The following TTLL10 variants were observed in gnomAD, a reference collection of about 807,000 sequenced individuals.
TTLL10 encodes tubulin tyrosine ligase like 10.
Under a neutral mutation model 69.0 loss-of-function variants are expected in TTLL10, and 61 were observed. The observed-to-expected ratio is 0.88, with a 90% CI of 0.72 to 1.09. TTLL10 has a LOEUF of 1.09. Ranked by LOEUF, TTLL10 falls within the 50% of genes least tolerant of loss-of-function variation. The pLI, the probability that TTLL10 is intolerant of heterozygous loss-of-function variation, is 0.00. For missense variants in TTLL10, 962 were observed against 945.9 expected, an observed-to-expected ratio of 1.02 and a Z score of -0.22; for synonymous variants, 408 against 393.3, an observed-to-expected ratio of 1.04 and a Z score of -0.44.
At chr1:1,179,818 C>A (rs1646988401) in intron 5 of TTLL10, 81 bp downstream of exon 5, 7 of 1,474,972 alleles carry the variant, frequency 4.7e-6, no homozygotes, top group African/African-American at 1.4e-5. Flanking sequence ...GGCAGGAAGC[C>A]TGGCCCTGGA....
intron 3 of TTLL10, 90 bp from the exon 4 acceptor site, chr1:1,179,099 G>A (rs1219448458): frequency 5.8e-6 from 5 of 862,800 alleles, no homozygotes; most frequent in Non-Finnish European, 8.8e-6. Context: ...CCTGGGCAGG[G>A]TGGGCCTGAC....
At position 1,181,341 on chromosome 1, in the gene TTLL10, T is replaced by C. The variant is rs1370055502; in HGVS notation, c.756-400T>C. On this transcript the variant is annotated intron_variant, in intron 8 of 15. Coordinates refer to ENST00000379289, the MANE Select transcript of TTLL10 (RefSeq NM_001130045.2). This position sits in a 1 kb window ranked among gnomAD's most constrained non-coding sequence, Gnocchi z 4.6. ...CCTGTGGGTGCCCTGAGTGAGGCCGTCCATCGCTCACCCAAGTCTGGGCCA... is the reference window on the plus strand; with the variant it reads ...CCTGTGGGTGCCCTGAGTGAGGCCGCCCATCGCTCACCCAAGTCTGGGCCA... Among the ~76,000 whole-genome samples the C allele has an allele frequency of 6.6e-6, 1 of 151,634 alleles. No individual in the cohort carries two copies. The highest frequency in any genetic ancestry group is 1.5e-5 in the Non-Finnish European group (1 of 67,914).
At chr1:1,174,554 C>G (rs911487248) in intron 3 of TTLL10, 65 bp downstream of exon 3, 4 of 152,238 alleles carry the variant, frequency 2.6e-5, no homozygotes, top group African/African-American at 7.2e-5. Flanking sequence ...GCCTTTACAC[C>G]GTGTCCCCAC....
rs1278192208 is a variant in TTLL10 at position 1,197,544 on chromosome 1, G to A, written c.1719G>A (p.Arg573=). The A allele has an allele frequency of 2.6e-6, 4 of 1,525,212 alleles. No individual in the cohort carries two copies. Among genetic ancestry groups the A allele is most frequent in the Middle Eastern group, 1.7e-4 (1 of 5,772 alleles). 94.5% of individuals were successfully genotyped at this position (1,525,212 alleles called of 1,614,324 possible). A position where few individuals can be genotyped will look rare whatever the true frequency, so the allele number is the denominator to read the frequency against. The part of the protein sequence containing the change: ...VLLHNGEADP[R]PHLGGSCSLR... The stretch of plus-strand genomic sequence containing the variant: ...TGCACAACGGTGAGGCCGACCCGCG[G>A]CCGCACCTGGGGGGCTCGTGCAGCC... Residue 573 remains arginine, a synonymous_variant, in exon 16 of 16, where the codon CGG becomes CGA. Transcript: ENST00000379289.
Position 1,185,405 on chromosome 1 carries a change from C to G in TTLL10, c.1401+296C>G. 4.7e-6 allele frequency: 6 copies of G among 1,268,818 alleles called. No individual in the cohort carries two copies. The highest frequency in any genetic ancestry group is 6.0e-6 in the Non-Finnish European group (6 of 1,005,282). The allele number at this position is 1,268,818 out of a possible 1,614,324, so 78.6% of individuals were successfully genotyped here. ...GACAGCTCGGCTTCAGTGACAGCCACCATGTGAAGAGTCTTTGTTCCTTTC... is the reference window on the plus strand; with the variant it reads ...GACAGCTCGGCTTCAGTGACAGCCAGCATGTGAAGAGTCTTTGTTCCTTTC... On this transcript the variant is annotated intron_variant, in intron 13 of 15. Transcript: ENST00000379289. The surrounding 1 kb of genome is among the most constrained non-coding windows in gnomAD (Gnocchi z 6.1).
At position 1,191,037 on chromosome 1, in the gene TTLL10, C is replaced by A. The variant is rs112756425; in HGVS notation, c.1402-5563C>A. ...AGAGATGGGGGTTTCACCATGTTGG[C>A]CAGGCTGGTCTTGAACTCCTGACCT... is the stretch of plus-strand genomic sequence containing the variant. On this transcript the variant is annotated intron_variant, in intron 13 of 15. Transcript: ENST00000379289. Among the ~76,000 whole-genome samples the A allele has an allele frequency of 6.5e-3, 984 of 152,260 alleles. 13 individuals are homozygous for A. The highest frequency in any genetic ancestry group is 0.02 in the African/African-American group (837 of 41,524).
chr1:1,184,093 TG>T lies in TTLL10; in HGVS notation c.1260+3del, dbSNP rs774527776. 2.5e-6 allele frequency: 4 copies of T among 1,614,090 alleles called. No individual in the cohort carries two copies. In the South Asian group the frequency reaches 4.4e-5, roughly 18 times the overall value. On this transcript the variant is annotated splice_donor_region_variant and intron_variant, in intron 12 of 15. Coordinates refer to ENST00000379289, the MANE Select transcript of TTLL10 (RefSeq NM_001130045.2). ...CTCGGCGGCCACTTGACCAACCAGG[TG>T]AGTCTGCCATGGGTGAGGGCCCTCC...
At chr1:1,176,409 G>C (rs1184581579) in intron 3 of TTLL10, 5 of 454,956 alleles carry the variant, frequency 1.1e-5, no homozygotes, top group Admixed American at 9.4e-5. Flanking sequence ...GGGGCACACA[G>C]TCATCAGGTC....
intron 3 of TTLL10, among the ~76,000 whole-genome samples, chr1:1,178,631 G>A (rs138786831): frequency 1.7e-3 from 256 of 152,184 alleles, no homozygotes; most frequent in African/African-American, 5.8e-3. Flanking sequence ...GACAGAGGTA[G>A]AAAGATCTGT....
In TTLL10 at chr1:1,185,830, G is replaced by A. The variant is rs559617684; in HGVS notation, c.1401+721G>A. ...ATCTCCCAAACTCTCTCTTAATTGC[G>A]ATAATTCACAGAACATAAAATTCAC... On this transcript the variant is annotated intron_variant, in intron 13 of 15. Transcript: ENST00000379289. The surrounding 1 kb of genome is among the most constrained non-coding windows in gnomAD (Gnocchi z 6.1). 89 of 985,332 alleles carry A rather than the reference G, an allele frequency of 9.0e-5. No individual in the cohort carries two copies. The East Asian group carries it at 1.0e-3, about 11-fold the overall frequency. The allele number at this position is 985,332 out of a possible 1,614,324, so 61.0% of individuals were successfully genotyped here.
At position 1,174,453 on chromosome 1, in the gene TTLL10, G is replaced by A. The variant is rs139698343; in HGVS notation, c.-64G>A. 55 of 152,558 alleles carry A rather than the reference G, an allele frequency of 3.6e-4. No individual in the cohort carries two copies. Among genetic ancestry groups the A allele is most frequent in the African/African-American group, 1.2e-3 (49 of 41,586 alleles). The allele number at this position is 152,558 out of a possible 1,614,324, so 9.5% of individuals were successfully genotyped here. On this transcript the variant is annotated 5_prime_UTR_variant, in exon 3 of 16. Transcript: ENST00000379289. ...AAAAGTCTCTTCTGTTCATCCTACC[G>A]GGGTGCCGTCTCCTGCCGGTCTTTT...
intron 13 of TTLL10, among the ~76,000 whole-genome samples, chr1:1,190,111 CAA>C (rs941009566): frequency 3.4e-4 from 25 of 74,188 alleles, no homozygotes; most frequent in Non-Finnish European, 2.8e-4. Context: ...GACCCCGTCT[CAA>C]AAAAAAAAAA....
chr1:1,196,458 C>T, intron 13 of TTLL10, 142 bp from the exon 14 acceptor site: 1 of 649,230 alleles, frequency 1.5e-6, no homozygotes. Flanking sequence ...AGGCTGAGTG[C>T]ACGAACGTGT....
intron 10 of TTLL10, 46 bp downstream of exon 10, chr1:1,182,492 G>A: frequency 1.9e-6 from 3 of 1,596,042 alleles, no homozygotes; most frequent in Non-Finnish European, 2.6e-6. Flanking sequence ...GGGGAGACAG[G>A]GTGAGGGCTG....
chr1:1,185,389 G>T lies in TTLL10; in HGVS notation c.1401+280G>T. 1 of 1,288,302 alleles carries T rather than the reference G, an allele frequency of 7.8e-7. No individual in the cohort carries two copies. The highest frequency in any genetic ancestry group is 9.8e-7 in the Non-Finnish European group (1 of 1,018,136). 79.8% of individuals were successfully genotyped at this position (1,288,302 alleles called of 1,614,324 possible). ...CGCCGTAGGGTCAGGGGACAGCTCG[G>T]CTTCAGTGACAGCCACCATGTGAAG... On this transcript the variant is annotated intron_variant, in intron 13 of 15. Coordinates refer to ENST00000379289, the MANE Select transcript of TTLL10 (RefSeq NM_001130045.2). The surrounding 1 kb of genome is among the most constrained non-coding windows in gnomAD (Gnocchi z 6.1).
chr1:1,190,785 T>C (rs1647714944), intron 13 of TTLL10, among the ~76,000 whole-genome samples: 1 of 152,176 alleles, frequency 6.6e-6, no homozygotes, highest in Admixed American at 6.6e-5. Flanking sequence ...AGATTTTGCG[T>C]GTTGTCTTCA....
At chr1:1,175,270 C>G (rs1039442209) in intron 3 of TTLL10, 2 of 218,220 alleles carry the variant, frequency 9.2e-6, no homozygotes, top group African/African-American at 2.3e-5. Flanking sequence ...GCTGCCTCTT[C>G]CAGCTGCTGC....
At chr1:1,177,042 GTC>G (rs1646890770) in intron 3 of TTLL10, among the ~76,000 whole-genome samples, 2 of 151,660 alleles carry the variant, frequency 1.3e-5, no homozygotes, top group Admixed American at 1.3e-4. Context: ...GTGTGTCAGC[GTC>G]TGTGTGTGTG....
Position 1,197,875 on chromosome 1 carries a change from C to T in TTLL10, c.*28C>T, listed in dbSNP as rs1207527929. 11 of 1,397,432 alleles carry T rather than the reference C, an allele frequency of 7.9e-6. No homozygotes were observed. The highest frequency in any genetic ancestry group is 4.6e-5 in the African/African-American group (3 of 65,358). 86.6% of individuals were successfully genotyped at this position (1,397,432 alleles called of 1,614,324 possible). A position where few individuals can be genotyped will look rare whatever the true frequency, so the allele number is the denominator to read the frequency against. ...GCAGCCACCCGCGCCCAGCGCCCCG[C>T]GCCCCGCGCCCCAGCCGTGCTGCCT... On this transcript the variant is annotated 3_prime_UTR_variant, in exon 16 of 16. Transcript: ENST00000379289.
Sources: allele counts gnomAD v4.1 joint callset (sites outside exome capture counted in the v4.1 genomes callset), GRCh38; gene constraint gnomAD v4.1.1; non-coding constraint Gnocchi (gnomAD v3.1); transcripts MANE v1.5; gene names NCBI Gene and HGNC (gene_info 2026-07-23, HGNC 2026-07-21).